SETD3: variants seen among roughly 807,000 people sequenced by gnomAD.
SETD3 encodes the protein actin-histidine N-methyltransferase.
Under a neutral mutation model 63.0 loss-of-function variants are expected in SETD3, and 19 were observed. That is an observed-to-expected ratio of 0.30 (90% CI 0.21 to 0.44). The LOEUF (loss-of-function observed/expected upper bound fraction) is 0.44. Among genes scored for constraint, SETD3 ranks in the 20% least tolerant of loss-of-function variants. The probability of loss-of-function intolerance (pLI) is 1.00; values close to 1 mark genes in which losing one functional copy is unlikely to be tolerated. For missense variants in SETD3, 587 were observed against 728.5 expected (o/e 0.81, Z 2.24); for synonymous variants, 286 against 264.1 (o/e 1.08, Z -0.80).
intron 6 of SETD3, among the ~76,000 whole-genome samples, chr14:99,452,130 G>A (rs111924812): frequency 1.3e-5 from 2 of 152,112 alleles, no homozygotes; most frequent in South Asian, 4.1e-4. Flanking sequence ...TTCCCAAAAC[G>A]GAGTCTTGCT....
intron 6 of SETD3, among the ~76,000 whole-genome samples, chr14:99,451,959 T>C (rs954969508): frequency 2.6e-5 from 4 of 152,198 alleles, no homozygotes; most frequent in Non-Finnish European, 5.9e-5. Context: ...ATATTTGACA[T>C]ACACTGTATG....
In SETD3 at chr14:99,457,821, A is replaced by T. The variant is rs557959530; in HGVS notation, c.675+458T>A. Among the ~76,000 whole-genome samples the T allele has an allele frequency of 2.2e-3, 341 of 152,368 alleles. 1 individual carries two copies. Among genetic ancestry groups the T allele is most frequent in the Non-Finnish European group, 4.1e-3 (276 of 68,038 alleles). On this transcript the variant is annotated intron_variant, in intron 6 of 12. Transcript: ENST00000331768. ...CTATGAGAAACTTTCACTGAGAACAAATTAAAATTAATACACAGTACACGT... is the reference window on the plus strand; with the variant it reads ...CTATGAGAAACTTTCACTGAGAACATATTAAAATTAATACACAGTACACGT...
At chr14:99,407,180 C>A (rs1242850034) in intron 8 of SETD3, among the ~76,000 whole-genome samples, 1 of 152,170 alleles carries the variant, frequency 6.6e-6, no homozygotes, top group Non-Finnish European at 1.5e-5. Flanking sequence ...CCCTCTCTTT[C>A]TGCTGAGAAA....
chr14:99,420,722 T>C (rs1460127018), intron 6 of SETD3, among the ~76,000 whole-genome samples: 1 of 151,974 alleles, frequency 6.6e-6, no homozygotes, highest in Non-Finnish European at 1.5e-5. Flanking sequence ...TTAAACACAT[T>C]TGAGAAAGCT....
At chr14:99,434,079 A>G (rs1287870675) in intron 6 of SETD3, among the ~76,000 whole-genome samples, 1 of 152,258 alleles carries the variant, frequency 6.6e-6, no homozygotes, top group Non-Finnish European at 1.5e-5. Flanking sequence ...AAATGAATGT[A>G]TATGTCCACA....
intron 8 of SETD3, chr14:99,409,983 G>T: frequency 2.3e-6 from 1 of 434,420 alleles, no homozygotes; most frequent in Non-Finnish European, 4.1e-6. Flanking sequence ...TGGGAGGCGG[G>T]GGGGTGAACC....
In SETD3 at chr14:99,480,741, C is replaced by T. The variant is rs1324827746; in HGVS notation, c.-22G>A. On this transcript the variant is annotated 5_prime_UTR_variant, in exon 1 of 13. Coordinates refer to ENST00000331768, the MANE Select transcript of SETD3 (RefSeq NM_032233.3). Reference sequence around the variant, plus strand: ...GCCAGCACTCACCTGCCCGCTTCCCCTAGCGCAGCGGGAACGACGTACTCC... The same window carrying T: ...GCCAGCACTCACCTGCCCGCTTCCCTTAGCGCAGCGGGAACGACGTACTCC... The T allele has an allele frequency of 6.6e-6, 1 of 151,290 alleles. No homozygotes were observed. Among genetic ancestry groups the T allele is most frequent in the Non-Finnish European group, 1.5e-5 (1 of 67,918 alleles). 9.4% of individuals were successfully genotyped at this position (151,290 alleles called of 1,614,324 possible). A position where few individuals can be genotyped will look rare whatever the true frequency, so the allele number is the denominator to read the frequency against.
At chr14:99,417,766 TTGTTTTTCA>T (rs1445058556) in intron 6 of SETD3, among the ~76,000 whole-genome samples, 4 of 152,276 alleles carry the variant, frequency 2.6e-5, no homozygotes, top group African/African-American at 4.8e-5. Context: ...TAAGGTTTTT[TTGTTTTTCA>T]TGTTTTTCAA....
In SETD3 at chr14:99,479,093, G is replaced by GA. The variant is rs535670742; in HGVS notation, c.-9+1634dup. ...AAATCCAACACCACTCCAATTCCAG[G>GA]AAAAAAAAGCACTGAGATGTTAGCA... On this transcript the variant is annotated intron_variant, in intron 1 of 12. Transcript: ENST00000331768. 3.3e-3 allele frequency among the ~76,000 whole-genome samples: 499 copies of GA among 151,788 alleles called. 1 individual carries two copies. The highest frequency in any genetic ancestry group is 0.01 in the Middle Eastern group (3 of 294).
chr14:99,440,389 G>T (rs575065854), intron 6 of SETD3, among the ~76,000 whole-genome samples: 69 of 152,136 alleles, frequency 4.5e-4, no homozygotes, highest in Non-Finnish European at 7.5e-4. Flanking sequence ...TATAATTCAG[G>T]CTCGAACTGT....
At chr14:99,405,442 G>A in intron 9 of SETD3, 71 bp from the exon 10 acceptor site, 1 of 1,495,618 alleles carries the variant, frequency 6.7e-7, no homozygotes. Context: ...ACAGGGCAGG[G>A]CAGAGGCTTA....
intron 6 of SETD3, among the ~76,000 whole-genome samples, chr14:99,437,820 A>G (rs1893572998): frequency 6.6e-6 from 1 of 152,210 alleles, no homozygotes; most frequent in East Asian, 1.9e-4. Flanking sequence ...TCACATCTAC[A>G]TTAACTGAAA....
At chr14:99,472,273 A>G (rs555378683) in intron 1 of SETD3, among the ~76,000 whole-genome samples, 23 of 152,238 alleles carry the variant, frequency 1.5e-4, no homozygotes, top group Admixed American at 5.9e-4. Context: ...GTACAATTCA[A>G]GAAGGATGAC....
chr14:99,401,694 T>C (rs1891396013), intron 11 of SETD3, among the ~76,000 whole-genome samples: 1 of 152,236 alleles, frequency 6.6e-6, no homozygotes, highest in Non-Finnish European at 1.5e-5. Context: ...AGTCATTTTA[T>C]ATTCTTTGCA....
rs1414655192 is a variant in SETD3, at chr14:99,458,374, C to A, written c.580G>T (p.Val194Phe). 2 of 1,614,132 alleles carry A rather than the reference C, an allele frequency of 1.2e-6. No individual in the cohort carries two copies. The highest frequency in any genetic ancestry group is 1.7e-5 in the Admixed American group (1 of 60,022). Residue 194 changes from valine (V) to phenylalanine (F), a missense_variant, in exon 6 of 13, where the codon GTT (valine) becomes TTT (phenylalanine). Physicochemically the swap from Val to Phe is conservative, Grantham distance 50. Transcript: ENST00000331768. ...DTPLYFEEDE[V>F]RYLQSTQAIH... ...GCTTGTGTGGACTGAAGATACCGAA[C>A]TTCATCTTCTTCAAAGTAGAGAGGA...
At chr14:99,437,068 A>G (rs1893524014) in intron 6 of SETD3, among the ~76,000 whole-genome samples, 1 of 152,220 alleles carries the variant, frequency 6.6e-6, no homozygotes, top group Admixed American at 6.5e-5. Flanking sequence ...ATTATCACCA[A>G]CTAGGTATGA....
chr14:99,416,227 A>G (rs1892282700), intron 6 of SETD3, among the ~76,000 whole-genome samples: 1 of 152,208 alleles, frequency 6.6e-6, no homozygotes, highest in South Asian at 2.1e-4. Context: ...TCAATGTATT[A>G]AAAACAAACA....
In SETD3 at chr14:99,421,303, T is replaced by C. The variant is rs1394838583; in HGVS notation, c.676-7369A>G. Reference sequence around the variant, plus strand: ...AAAAGCAGGCTAGAATTATGTATTATCACCAGTTTCATAATATATTGTTTT... The same window carrying C: ...AAAAGCAGGCTAGAATTATGTATTACCACCAGTTTCATAATATATTGTTTT... On this transcript the variant is annotated intron_variant, in intron 6 of 12. Coordinates refer to ENST00000331768, the MANE Select transcript of SETD3 (RefSeq NM_032233.3). 3.9e-5 allele frequency among the ~76,000 whole-genome samples: 6 copies of C among 152,080 alleles called. 1 individual carries two copies.
intron 1 of SETD3, among the ~76,000 whole-genome samples, chr14:99,479,642 T>C (rs1208631667): frequency 6.6e-6 from 1 of 152,198 alleles, no homozygotes; most frequent in Non-Finnish European, 1.5e-5. Context: ...TTCACACTTT[T>C]CAGTGTCCGG....
Sources: allele counts gnomAD v4.1 joint callset (sites outside exome capture counted in the v4.1 genomes callset), GRCh38; gene constraint gnomAD v4.1.1; transcripts MANE v1.5; gene names NCBI Gene and HGNC (gene_info 2026-07-23, HGNC 2026-07-21).